Variants in ARPC5L observed in about 807,000 individuals in gnomAD.
The protein encoded by ARPC5L is actin related protein 2/3 complex subunit 5 like, also known as actin-related protein 2/3 complex subunit 5-like protein.
ARPC5L carries 4 observed loss-of-function variants against 16.9 expected under a neutral mutation model. That is an observed-to-expected ratio of 0.24 (90% confidence interval 0.12 to 0.54). The LOEUF (loss-of-function observed/expected upper bound fraction) is 0.54. Ranked by LOEUF, ARPC5L falls within the 20% of genes least tolerant of loss-of-function variation. The pLI is 0.95. For missense variants in ARPC5L, 151 were observed against 201.9 expected, an observed-to-expected ratio of 0.75 and a Z score of 1.53; for synonymous variants, 78 against 82.6, an observed-to-expected ratio of 0.94 and a Z score of 0.30.
intron 4 of ARPC5L, 53 bp downstream of exon 4, chr9:124,873,817 G>C: frequency 6.3e-7 from 1 of 1,595,352 alleles, no homozygotes; most frequent in South Asian, 1.1e-5. Context: ...CAGGGCTGTG[G>C]GTGTCTGCCC....
At position 124,869,188 on chromosome 9, in the gene ARPC5L, C is replaced by T; in HGVS notation, c.-103C>T. 5 of 1,276,266 alleles carry T rather than the reference C, an allele frequency of 3.9e-6. No individual in the cohort carries two copies. The highest frequency in any genetic ancestry group is 2.0e-5 in the South Asian group (1 of 50,426). The allele number at this position is 1,276,266 out of a possible 1,614,324, so 79.1% of individuals were successfully genotyped here. ...GCGGTGGAGGAGGTGCTGGGAGCAG[C>T]CGGGCAGCCGCTTCCCGCCCCCGAG... On this transcript the variant is annotated 5_prime_UTR_variant, in exon 3 of 6. Transcript: ENST00000353214.
At chr9:124,866,064 C>T (rs1829266498) in intron 2 of ARPC5L, among the ~76,000 whole-genome samples, 1 of 151,512 alleles carries the variant, frequency 6.6e-6, no homozygotes, top group South Asian at 2.1e-4. Flanking sequence ...GAGGTTGGGC[C>T]ACTGCACTCT....
At position 124,869,047 on chromosome 9, in the gene ARPC5L, G is replaced by A. The variant is rs138649983; in HGVS notation, c.-244G>A. 459 of 387,980 alleles carry A rather than the reference G, an allele frequency of 1.2e-3. 1 individual carries two copies. Among genetic ancestry groups the A allele is most frequent in the African/African-American group, 8.8e-3 (421 of 47,590 alleles). The allele number at this position is 387,980 out of a possible 1,614,324, so 24.0% of individuals were successfully genotyped here. ...CCGTGGAAGGGACACTGAGGTGGGG[G>A]AGGCTGCGGTGATCCCATACCGCAC... On this transcript the variant is annotated 5_prime_UTR_variant, in exon 3 of 6. Transcript: ENST00000353214.
At chr9:124,873,445 C>A in intron 3 of ARPC5L, 1 of 558,006 alleles carries the variant, frequency 1.8e-6, no homozygotes, top group South Asian at 2.0e-5. Context: ...GTTACCCCTC[C>A]AGGACAGTTG....
intron 2 of ARPC5L, among the ~76,000 whole-genome samples, 167 bp from the exon 3 acceptor site, chr9:124,868,261 A>G (rs191950421): frequency 3.3e-4 from 50 of 152,324 alleles, no homozygotes; most frequent in African/African-American, 1.0e-3. Context: ...TATTAAAAAG[A>G]GTACTATTAG....
chr9:124,862,233 G>A lies in ARPC5L; in HGVS notation c.-1149G>A, dbSNP rs1829212411. On this transcript the variant is annotated 5_prime_UTR_variant, in exon 1 of 6. Coordinates refer to ENST00000353214, the MANE Select transcript of ARPC5L (RefSeq NM_030978.3). ...GCAGCTACCAGAGATGGCACACGGA[G>A]GACTCAAATTCGTCCATTCAGTCAT... 1 of 376,178 alleles carries A rather than the reference G, an allele frequency of 2.7e-6. No homozygotes were observed. The highest frequency in any genetic ancestry group is 4.5e-5 in the Admixed American group (1 of 22,462). The allele number at this position is 376,178 out of a possible 1,614,324, so 23.3% of individuals were successfully genotyped here. A position where few individuals can be genotyped will look rare whatever the true frequency, so the allele number is the denominator to read the frequency against.
intron 3 of ARPC5L, chr9:124,872,705 T>G (rs1829377429): frequency 6.6e-6 from 1 of 152,304 alleles, no homozygotes; most frequent in Admixed American, 6.5e-5. Context: ...GGGACTGGAC[T>G]GCCTCTTGAG....
chr9:124,862,190 C>T lies in ARPC5L; in HGVS notation c.-1192C>T, dbSNP rs998474681. On this transcript the variant is annotated 5_prime_UTR_variant, in exon 1 of 6. Coordinates refer to ENST00000353214, the MANE Select transcript of ARPC5L (RefSeq NM_030978.3). ...GGTGTAGGCGCGCAGTTGGGGAAACCGAGGCCCAACGTGGGCGGCAGCTAC... is the reference window on the plus strand; with the variant it reads ...GGTGTAGGCGCGCAGTTGGGGAAACTGAGGCCCAACGTGGGCGGCAGCTAC... The T allele has an allele frequency of 3.2e-5, 13 of 410,136 alleles. No homozygotes were observed. The highest frequency in any genetic ancestry group is 6.3e-4 in the Middle Eastern group (1 of 1,596). The allele number at this position is 410,136 out of a possible 1,614,324, so 25.4% of individuals were successfully genotyped here.
At position 124,874,959 on chromosome 9, in the gene ARPC5L, T is replaced by C. The variant is rs373880062; in HGVS notation, c.223-16T>C. On this transcript the variant is annotated splice_polypyrimidine_tract_variant and intron_variant, in intron 4 of 5. Transcript: ENST00000353214. ...CTTCGCAGCTCTGGGACTCACTTGC[T>C]CTTTTTCGTCTGCAGGAGCGAGCCC... 15 of 1,613,390 alleles carry C rather than the reference T, an allele frequency of 9.3e-6. No homozygotes were observed. The African/African-American group carries it at 2.0e-4, about 22-fold the overall frequency.
chr9:124,871,307 T>C (rs1428841995), intron 3 of ARPC5L, among the ~76,000 whole-genome samples: 2 of 152,204 alleles, frequency 1.3e-5, no homozygotes, highest in African/African-American at 4.8e-5. Flanking sequence ...TGACCTCGGA[T>C]AGGTCGCATA....
Position 124,874,370 on chromosome 9 carries a change from T to C in ARPC5L, c.223-605T>C, listed in dbSNP as rs116937918. On this transcript the variant is annotated intron_variant, in intron 4 of 5. Transcript: ENST00000353214. The stretch of plus-strand genomic sequence containing the variant: ...TTTATTTTTTAATAGTCCACCACCA[T>C]TGTGGAGTATAATAAGGCCTTATTG... 3.1e-3 allele frequency among the ~76,000 whole-genome samples: 468 copies of C among 152,162 alleles called. 3 individuals carry two copies. The highest frequency in any genetic ancestry group is 4.2e-3 in the Non-Finnish European group (288 of 68,002).
chr9:124,874,111 T>A (rs1829399778), intron 4 of ARPC5L, among the ~76,000 whole-genome samples: 1 of 152,156 alleles, frequency 6.6e-6, no homozygotes, highest in Non-Finnish European at 1.5e-5. Flanking sequence ...TGCCTGAGGA[T>A]TTTAAGTACC....
rs115211822 is a variant in ARPC5L, at chr9:124,873,616, C to T, written c.150-76C>T. 2.0e-3 allele frequency: 3,073 copies of T among 1,523,398 alleles called. 60 individuals are homozygous for T. The African/African-American group carries it at 0.038, about 19-fold the overall frequency. The allele number at this position is 1,523,398 out of a possible 1,614,324, so 94.4% of individuals were successfully genotyped here. A position where few individuals can be genotyped will look rare whatever the true frequency, so the allele number is the denominator to read the frequency against. On this transcript the variant is annotated intron_variant, in intron 3 of 5. Coordinates refer to ENST00000353214, the MANE Select transcript of ARPC5L (RefSeq NM_030978.3). The stretch of plus-strand genomic sequence containing the variant: ...GATCCCATCTGACTCTGTTCCTGAG[C>T]TGTTTCTGAAGTGAGCTTGTTCATG...
chr9:124,869,372 G>A lies in ARPC5L; in HGVS notation c.82G>A (p.Glu28Lys). ...CGAGAACAAATTTGTGGACGAGCAG[G>A]AGGAGGCGGCGGCGGCGGCGGCGGA... ...FDENKFVDEQ[E>K]EAAAAAAEPG... The change falls in exon 3 of 6, where the codon GAG becomes AAG. Residue 28 changes from glutamate (E) to lysine (K), a missense_variant. Transcript: ENST00000353214. 6.5e-7 allele frequency: 1 copy of A among 1,528,244 alleles called. No homozygotes were observed. The highest frequency in any genetic ancestry group is 8.8e-7 in the Non-Finnish European group (1 of 1,137,354). The allele number at this position is 1,528,244 out of a possible 1,614,324, so 94.7% of individuals were successfully genotyped here. A position where few individuals can be genotyped will look rare whatever the true frequency, so the allele number is the denominator to read the frequency against.
At chr9:124,863,425 G>A (rs1300105382) in intron 1 of ARPC5L, among the ~76,000 whole-genome samples, 3 of 152,188 alleles carry the variant, frequency 2.0e-5, no homozygotes, top group Non-Finnish European at 4.4e-5. Context: ...GGGATTACAG[G>A]TGTGAGCCAC....
chr9:124,874,723 C>T (rs1176051165), intron 4 of ARPC5L, among the ~76,000 whole-genome samples: 8 of 151,804 alleles, frequency 5.3e-5, no homozygotes, highest in African/African-American at 1.9e-4. Flanking sequence ...CTCTCTCTCT[C>T]TCTCAGAGTT....
Position 124,862,178 on chromosome 9 carries a change from A to G in ARPC5L, c.-1204A>G. 1 of 423,022 alleles carries G rather than the reference A, an allele frequency of 2.4e-6. No individual in the cohort carries two copies. Among genetic ancestry groups the G allele is most frequent in the Non-Finnish European group, 4.2e-6 (1 of 238,600 alleles). 26.2% of individuals were successfully genotyped at this position (423,022 alleles called of 1,614,324 possible). Reference sequence around the variant, plus strand: ...GGTCGGCGTCACGGTGTAGGCGCGCAGTTGGGGAAACCGAGGCCCAACGTG... The same window carrying G: ...GGTCGGCGTCACGGTGTAGGCGCGCGGTTGGGGAAACCGAGGCCCAACGTG... On this transcript the variant is annotated 5_prime_UTR_variant, in exon 1 of 6. Coordinates refer to ENST00000353214, the MANE Select transcript of ARPC5L (RefSeq NM_030978.3).
chr9:124,873,716 T>C lies in ARPC5L; in HGVS notation c.174T>C (p.His58=), dbSNP rs765949936. The C allele has an allele frequency of 1.9e-6, 3 of 1,614,230 alleles. No individual in the cohort carries two copies. The highest frequency in any genetic ancestry group is 1.3e-5 in the African/African-American group (1 of 75,066). The part of the protein sequence containing the change: ...LRQGDMLRAF[H]AALRNSPVNT... Reference sequence around the variant, plus strand: ...CAGGGGACATGCTTCGGGCATTCCATGCAGCCTTGCGGAACTCTCCCGTCA... The same window carrying C: ...CAGGGGACATGCTTCGGGCATTCCACGCAGCCTTGCGGAACTCTCCCGTCA... Residue 58 remains histidine (H), a synonymous_variant, in exon 4 of 6, where the codon CAT becomes CAC. Coordinates refer to ENST00000353214, the MANE Select transcript of ARPC5L (RefSeq NM_030978.3).
intron 2 of ARPC5L, among the ~76,000 whole-genome samples, chr9:124,866,570 A>G (rs925246403): frequency 2.2e-4 from 34 of 151,886 alleles, no homozygotes; most frequent in African/African-American, 8.2e-4. Flanking sequence ...AAAAATACAA[A>G]ATTAGCCAGG....
Sources: allele counts gnomAD v4.1 joint callset (sites outside exome capture counted in the v4.1 genomes callset), GRCh38; gene constraint gnomAD v4.1.1; transcripts MANE v1.5; gene names NCBI Gene and HGNC (gene_info 2026-07-23, HGNC 2026-07-21).